The following KCNMA1 variants were observed in gnomAD, a reference collection of about 807,000 sequenced individuals.
The protein encoded by KCNMA1 is potassium calcium-activated channel subfamily M alpha 1, also known as Calcium-activated potassium channel subunit alpha-1.
Under a neutral mutation model 140.0 loss-of-function variants are expected in KCNMA1, and 29 were observed. That is an observed-to-expected ratio of 0.21 (90% CI 0.15 to 0.28). KCNMA1 has a LOEUF of 0.28. Ranked by LOEUF, KCNMA1 falls within the 10% of genes least tolerant of loss-of-function variation. The pLI, the probability that KCNMA1 is intolerant of heterozygous loss-of-function variation, is 1.00. For missense variants in KCNMA1, 880 were observed against 1,602.2 expected (o/e 0.55, Z 7.70); for synonymous variants, 612 against 611.9 (o/e 1.00, Z 0.00).
intron 5 of KCNMA1, among the ~76,000 whole-genome samples, chr10:77,156,262 T>C (rs2154068720): frequency 6.9e-6 from 1 of 144,830 alleles, no homozygotes; most frequent in South Asian, 2.2e-4. Flanking sequence ...AAAAGTTAAA[T>C]GAAAACATGA....
intron 1 of KCNMA1, among the ~76,000 whole-genome samples, chr10:77,564,308 C>T (rs1309761488): frequency 1.3e-5 from 2 of 152,296 alleles, no homozygotes; most frequent in East Asian, 1.9e-4. Context: ...CATGGTGGCT[C>T]ATGCCTGTAA....
intron 5 of KCNMA1, among the ~76,000 whole-genome samples, chr10:77,182,151 C>T: frequency 6.6e-6 from 1 of 152,076 alleles, no homozygotes. Context: ...TTCTTTGAAC[C>T]AGCAGTTCCT....
intron 5 of KCNMA1, among the ~76,000 whole-genome samples, chr10:77,156,695 T>C (rs2098488255): frequency 6.6e-6 from 1 of 152,216 alleles, no homozygotes; most frequent in South Asian, 2.1e-4. Context: ...TGTAACTTCC[T>C]CAATTACTCT....
chr10:76,917,315 T>C (rs2053370530), intron 23 of KCNMA1, among the ~76,000 whole-genome samples: 1 of 152,058 alleles, frequency 6.6e-6, no homozygotes. Context: ...CTTGAGAAAA[T>C]ACGGGTTTGT....
intron 2 of KCNMA1, among the ~76,000 whole-genome samples, chr10:77,266,736 C>T (rs924248218): frequency 3.9e-5 from 6 of 152,194 alleles, no homozygotes; most frequent in African/African-American, 1.4e-4. Flanking sequence ...GCACTTCTTA[C>T]TCTTTATTGT....
rs187617771 is a variant in KCNMA1 at position 77,028,281 on chromosome 10, G to T, written c.1860-390C>A. Among the ~76,000 whole-genome samples, 244 of 152,114 alleles carry T rather than the reference G, an allele frequency of 1.6e-3. 1 individual carries two copies. The highest frequency in any genetic ancestry group is 5.4e-3 in the African/African-American group (224 of 41,506). ...GGACCTGTTATTTGGATTCCGTTTC[G>T]GTCTTTTGTACAAATGGCTCATATT... is the stretch of plus-strand genomic sequence containing the variant. On this transcript the variant is annotated intron_variant, in intron 15 of 27. Coordinates refer to ENST00000286628, the MANE Select transcript of KCNMA1 (RefSeq NM_001161352.2).
intron 1 of KCNMA1, among the ~76,000 whole-genome samples, chr10:77,454,651 C>T (rs2097725982): frequency 6.6e-6 from 1 of 152,210 alleles, no homozygotes; most frequent in African/African-American, 2.4e-5. Flanking sequence ...GATCACGATA[C>T]ACGAACATGC....
chr10:77,036,663 G>T (rs1410003348), intron 15 of KCNMA1, among the ~76,000 whole-genome samples: 1 of 152,010 alleles, frequency 6.6e-6, no homozygotes, highest in African/African-American at 2.4e-5. Context: ...CATCCTTTAT[G>T]TCATTTTGAA....
chr10:77,446,955 T>G (rs1003946713), intron 1 of KCNMA1, among the ~76,000 whole-genome samples: 25 of 152,222 alleles, frequency 1.6e-4, no homozygotes, highest in Non-Finnish European at 2.9e-4. Context: ...CACTTGCCCT[T>G]CAGGGTCAGG....
intron 2 of KCNMA1, among the ~76,000 whole-genome samples, chr10:77,307,298 C>T (rs2078025754): frequency 6.6e-6 from 1 of 152,300 alleles, no homozygotes; most frequent in Non-Finnish European, 1.5e-5. Flanking sequence ...CATGCAGACA[C>T]AGTCCCCAAC....
intron 1 of KCNMA1, among the ~76,000 whole-genome samples, chr10:77,534,791 C>T (rs75209606): frequency 0.035 from 5,326 of 152,192 alleles, 164 homozygotes; most frequent in Non-Finnish European, 0.045. Flanking sequence ...AAGTGACAAA[C>T]GTTTGATCAA....
chr10:77,187,151 C>T (rs2098872885), intron 3 of KCNMA1, among the ~76,000 whole-genome samples: 1 of 151,898 alleles, frequency 6.6e-6, no homozygotes, highest in African/African-American at 2.4e-5. Context: ...CCTAGAAATA[C>T]AGCTAATTGG....
At chr10:77,265,845 C>A (rs1265942429) in intron 2 of KCNMA1, among the ~76,000 whole-genome samples, 1 of 152,100 alleles carries the variant, frequency 6.6e-6, no homozygotes, top group African/African-American at 2.4e-5. Flanking sequence ...CTTTGGGAGG[C>A]CGAGATGGGC....
chr10:77,306,675 A>T (rs1428238591), intron 2 of KCNMA1, among the ~76,000 whole-genome samples: 2 of 152,224 alleles, frequency 1.3e-5, no homozygotes, highest in East Asian at 3.8e-4. Context: ...AGAAGAATGG[A>T]TTTGACAGAG....
intron 9 of KCNMA1, among the ~76,000 whole-genome samples, chr10:77,105,967 A>G (rs527955757): frequency 6.6e-6 from 1 of 152,316 alleles, no homozygotes; most frequent in East Asian, 1.9e-4. Context: ...TTGGCCAAAC[A>G]TAACATTTCA....
chr10:77,377,487 C>A (rs149411135), intron 2 of KCNMA1, among the ~76,000 whole-genome samples: 1 of 152,122 alleles, frequency 6.6e-6, no homozygotes, highest in East Asian at 1.9e-4. Flanking sequence ...AGATGGGTCC[C>A]TCTGGGGTGT....
At chr10:77,324,969 CTCTGTGTGTGTGTG>C (rs1315123322) in intron 2 of KCNMA1, among the ~76,000 whole-genome samples, 12 of 95,086 alleles carry the variant, frequency 1.3e-4, no homozygotes, top group African/African-American at 5.8e-4. Context: ...CTCTCTCTCT[CTCTGTGTGTGTGTG>C]TGTGTGTGTG....
intron 25 of KCNMA1, among the ~76,000 whole-genome samples, chr10:76,894,461 G>T (rs2041622804): frequency 6.6e-6 from 1 of 152,036 alleles, no homozygotes; most frequent in Admixed American, 6.5e-5. Context: ...TAAACTACAA[G>T]AAGAACAGAT....
chr10:77,155,869 G>A (rs759872107), intron 5 of KCNMA1, among the ~76,000 whole-genome samples: 1 of 152,106 alleles, frequency 6.6e-6, no homozygotes, highest in African/African-American at 2.4e-5. Context: ...AAGGATGGGG[G>A]AGAAAATGAA....
Sources: allele counts gnomAD v4.1 joint callset (sites outside exome capture counted in the v4.1 genomes callset), GRCh38; gene constraint gnomAD v4.1.1; transcripts MANE v1.5; gene names NCBI Gene and HGNC (gene_info 2026-07-23, HGNC 2026-07-21).